The following FBXW11 variants were observed in gnomAD, a reference collection of about 807,000 sequenced individuals.
FBXW11 encodes the protein F-box/WD repeat-containing protein 11.
In FBXW11, 19 loss-of-function variants were observed where a neutral mutation model predicts 77.6. The observed-to-expected ratio is 0.24, with a 90% CI of 0.17 to 0.36. The LOEUF (loss-of-function observed/expected upper bound fraction) is 0.36, where lower values mean the gene tolerates loss of function less well. Among genes scored for constraint, FBXW11 ranks in the 10% least tolerant of loss-of-function variants. FBXW11 has a pLI of 1.00. For synonymous variants in FBXW11, 235 were observed against 249.4 expected (o/e 0.94, Z 0.54); for missense variants, 334 against 704.2 (o/e 0.47, Z 5.95).
intron 1 of FBXW11, among the ~76,000 whole-genome samples, chr5:171,993,837 T>C (rs1398452799): frequency 6.6e-6 from 1 of 152,158 alleles, no homozygotes; most frequent in African/African-American, 2.4e-5. Context: ...TCTCCACATG[T>C]AGCTATTTAA....
intron 3 of FBXW11, among the ~76,000 whole-genome samples, chr5:171,913,830 C>CACACAT (rs1554099764): frequency 1.5e-4 from 18 of 123,486 alleles, no homozygotes; most frequent in African/African-American, 2.9e-4. Context: ...CACACACACA[C>CACACAT]ACACACACAC....
chr5:171,890,198 C>A (rs964919918), intron 7 of FBXW11, among the ~76,000 whole-genome samples: 10 of 151,924 alleles, frequency 6.6e-5, no homozygotes, highest in Non-Finnish European at 1.2e-4. Context: ...TCAAAAAAAA[C>A]TGAGATGATC....
chr5:171,957,189 C>T (rs1457372654), intron 2 of FBXW11, among the ~76,000 whole-genome samples: 1 of 152,084 alleles, frequency 6.6e-6, no homozygotes, highest in Non-Finnish European at 1.5e-5. Context: ...GGAGAGAAAG[C>T]AAGCCAAAAG....
chr5:171,998,140 A>C (rs1766174552), intron 1 of FBXW11, among the ~76,000 whole-genome samples: 1 of 152,182 alleles, frequency 6.6e-6, no homozygotes, highest in Admixed American at 6.5e-5. Flanking sequence ...GAAGAAATCA[A>C]GCTTTACTCT....
At chr5:171,887,587 A>G (rs933271904) in intron 7 of FBXW11, among the ~76,000 whole-genome samples, 1 of 152,060 alleles carries the variant, frequency 6.6e-6, no homozygotes, top group African/African-American at 2.4e-5. Context: ...TAGATGTGGC[A>G]AGGGGTCAAA....
At chr5:171,977,505 T>C in intron 1 of FBXW11, 1 of 391,966 alleles carries the variant, frequency 2.6e-6, no homozygotes, top group African/African-American at 2.1e-5. Flanking sequence ...TGGAGATTAC[T>C]TTCTAATAAG....
chr5:171,870,722 T>C (rs371843289), intron 11 of FBXW11, 26 bp downstream of exon 11: 5 of 1,489,018 alleles, frequency 3.4e-6, no homozygotes, highest in Non-Finnish European at 4.7e-6. Context: ...GTTATAGCAG[T>C]ACATCTGAAA....
chr5:171,975,074 G>A (rs933352201), intron 1 of FBXW11, among the ~76,000 whole-genome samples: 5 of 152,054 alleles, frequency 3.3e-5, no homozygotes, highest in East Asian at 1.9e-4. Flanking sequence ...GATTACAGGC[G>A]TGAGCCACCA....
chr5:171,945,516 A>C (rs1762962436), intron 2 of FBXW11, among the ~76,000 whole-genome samples: 1 of 152,224 alleles, frequency 6.6e-6, no homozygotes, highest in Admixed American at 6.5e-5. Flanking sequence ...CCTAGCTTAT[A>C]AAGTTTATAA....
At chr5:172,006,310 G>A (rs1401862477) in intron 1 of FBXW11, 148 bp downstream of exon 1, 5 of 614,848 alleles carry the variant, frequency 8.1e-6, no homozygotes, top group African/African-American at 1.9e-5. Flanking sequence ...CCCGCGCCAG[G>A]TCCGAGGCCA....
At chr5:172,005,793 C>T (rs1024442175) in intron 1 of FBXW11, among the ~76,000 whole-genome samples, 44 of 152,294 alleles carry the variant, frequency 2.9e-4, no homozygotes, top group African/African-American at 1.1e-3. Flanking sequence ...TCCAGAGTAC[C>T]TGGGCCCTTG....
intron 7 of FBXW11, among the ~76,000 whole-genome samples, chr5:171,878,596 G>GTA (rs1561640352): frequency 5.2e-5 from 7 of 134,452 alleles, no homozygotes; most frequent in Admixed American, 1.5e-4. Flanking sequence ...GTGTGTAAGA[G>GTA]AGAGAGAGTG....
intron 7 of FBXW11, among the ~76,000 whole-genome samples, chr5:171,888,365 G>A (rs1259131035): frequency 6.6e-6 from 1 of 152,192 alleles, no homozygotes; most frequent in African/African-American, 2.4e-5. Context: ...CACAGCAAAG[G>A]CTGTCTCAAT....
intron 13 of FBXW11, chr5:171,868,009 T>A (rs1757520609): frequency 6.6e-6 from 1 of 152,212 alleles, no homozygotes; most frequent in South Asian, 2.1e-4. Flanking sequence ...AATCAAAACA[T>A]TCTGTCATCA....
At chr5:171,931,119 A>C (rs1762170622) in intron 2 of FBXW11, among the ~76,000 whole-genome samples, 1 of 152,214 alleles carries the variant, frequency 6.6e-6, no homozygotes, top group Non-Finnish European at 1.5e-5. Context: ...CTATAGATTC[A>C]ATACAATCTC....
At chr5:171,926,083 A>T (rs1761874414) in intron 2 of FBXW11, among the ~76,000 whole-genome samples, 1 of 152,224 alleles carries the variant, frequency 6.6e-6, no homozygotes, top group South Asian at 2.1e-4. Context: ...ATTTTTGCTT[A>T]CTTATCCTAC....
chr5:171,874,818 G>A (rs947413066), intron 9 of FBXW11, among the ~76,000 whole-genome samples: 7 of 150,336 alleles, frequency 4.7e-5, no homozygotes, highest in Non-Finnish European at 1.0e-4. Context: ...GCTACTCCGG[G>A]AGGCTTAGGT....
intron 3 of FBXW11, 66 bp from the exon 4 acceptor site, chr5:171,910,863 G>A (rs1363758921): frequency 1.7e-6 from 2 of 1,165,816 alleles, no homozygotes; most frequent in East Asian, 2.6e-5. Flanking sequence ...TATTTCATTA[G>A]AAATATTTTT....
intron 6 of FBXW11, among the ~76,000 whole-genome samples, chr5:171,894,341 A>G (rs1260290305): frequency 6.6e-6 from 1 of 152,274 alleles, no homozygotes; most frequent in Non-Finnish European, 1.5e-5. Flanking sequence ...CTCAACACTT[A>G]TAAAAAGCCT....
Sources: allele counts gnomAD v4.1 joint callset (sites outside exome capture counted in the v4.1 genomes callset), GRCh38; gene constraint gnomAD v4.1.1; transcripts MANE v1.5; gene names NCBI Gene and HGNC (gene_info 2026-07-23, HGNC 2026-07-21).